SCAI: variants seen among roughly 807,000 people sequenced by gnomAD.
SCAI encodes suppressor of cancer cell invasion.
A neutral mutation model predicts 92.2 loss-of-function variants in SCAI; 24 were observed. The observed-to-expected ratio is 0.26, with a 90% confidence interval of 0.19 to 0.37. The LOEUF is 0.37. Among genes scored for constraint, SCAI ranks in the 10% least tolerant of loss-of-function variants. SCAI has a pLI of 1.00. For synonymous variants in SCAI, 261 were observed against 258.6 expected (o/e 1.01, Z -0.09); for missense variants, 450 against 736.2 (o/e 0.61, Z 4.50).
rs1176788129 is a variant in SCAI at position 125,018,933 on chromosome 9, A to T, written c.727T>A (p.Leu243Ile). 2 of 1,613,604 alleles carry T rather than the reference A, an allele frequency of 1.2e-6. No homozygotes were observed. The highest frequency in any genetic ancestry group is 1.7e-6 in the Non-Finnish European group (2 of 1,179,924). The change falls in exon 9 of 18, where the codon TTA becomes ATA. Residue 243 changes from leucine to isoleucine, a missense_variant. Physicochemically the swap from Leu to Ile is conservative, Grantham distance 5 (BLOSUM62 2). Coordinates refer to ENST00000336505, the MANE Select transcript of SCAI (RefSeq NM_001144877.3). ...ATAACAATGGTATTATCATCATTTA[A>T]TACCATTACAGGATCCGCCTAAAGA... ...AFIEADPVMV[L>I]NDDNTIVITS...
At chr9:125,067,540 G>A (rs1033797364) in intron 2 of SCAI, among the ~76,000 whole-genome samples, 2 of 152,156 alleles carry the variant, frequency 1.3e-5, no homozygotes, top group Admixed American at 6.5e-5. Context: ...ATCAGAAGCC[G>A]GGAGAGAGAC....
At chr9:125,109,329 G>A (rs1171772006) in intron 2 of SCAI, among the ~76,000 whole-genome samples, 4 of 151,660 alleles carry the variant, frequency 2.6e-5, no homozygotes, top group African/African-American at 9.7e-5. Context: ...ATCCCCCTCT[G>A]CGAGAAACAC....
chr9:125,030,490 C>T (rs1281235581), intron 3 of SCAI, among the ~76,000 whole-genome samples: 1 of 152,180 alleles, frequency 6.6e-6, no homozygotes, highest in Non-Finnish European at 1.5e-5. Context: ...AGAAACACAT[C>T]TTTACTGTAG....
chr9:124,998,033 G>C (rs1256084675), intron 13 of SCAI, among the ~76,000 whole-genome samples: 1 of 152,024 alleles, frequency 6.6e-6, no homozygotes, highest in East Asian at 1.9e-4. Context: ...TCAAACTCCT[G>C]GGTTCATGTG....
intron 3 of SCAI, among the ~76,000 whole-genome samples, chr9:125,040,996 TATGA>T: frequency 6.6e-6 from 1 of 152,184 alleles, no homozygotes; most frequent in East Asian, 1.9e-4. Flanking sequence ...AGCTACACAA[TATGA>T]ATGAAAGGTC....
chr9:124,995,085 G>T, intron 13 of SCAI, 70 bp from the exon 14 acceptor site: 2 of 1,177,958 alleles, frequency 1.7e-6, no homozygotes, highest in Non-Finnish European at 2.5e-6. Flanking sequence ...TCTTCAGTTT[G>T]GTCTGCTCAT....
At chr9:125,120,042 T>C (rs1344806796) in intron 2 of SCAI, among the ~76,000 whole-genome samples, 1 of 152,224 alleles carries the variant, frequency 6.6e-6, no homozygotes, top group Non-Finnish European at 1.5e-5. Context: ...AGCCATGCTC[T>C]ACTGGTAAAG....
At chr9:124,973,176 T>C (rs1275969871) in intron 15 of SCAI, among the ~76,000 whole-genome samples, 2 of 152,220 alleles carry the variant, frequency 1.3e-5, no homozygotes, top group East Asian at 1.9e-4. Context: ...ATTTTGTACA[T>C]GAAACAAACC....
chr9:125,049,412 TG>T (rs1833511109), intron 3 of SCAI, among the ~76,000 whole-genome samples: 1 of 152,236 alleles, frequency 6.6e-6, no homozygotes, highest in Non-Finnish European at 1.5e-5. Context: ...TTAGTCACCA[TG>T]GCAACCAGAA....
intron 14 of SCAI, among the ~76,000 whole-genome samples, chr9:124,988,113 GCTGGT>G (rs1832037421): frequency 1.3e-5 from 2 of 152,014 alleles, no homozygotes; most frequent in South Asian, 4.2e-4. Context: ...ATGGCATCAT[GCTGGT>G]CACTAGACCT....
chr9:125,134,958 G>C (rs1256018884), intron 2 of SCAI, among the ~76,000 whole-genome samples: 1 of 152,162 alleles, frequency 6.6e-6, no homozygotes, highest in Admixed American at 6.5e-5. Flanking sequence ...TTACAGGCAT[G>C]AGCCACCACG....
chr9:125,060,992 G>A (rs1833758319), intron 2 of SCAI, among the ~76,000 whole-genome samples: 1 of 152,138 alleles, frequency 6.6e-6, no homozygotes, highest in African/African-American at 2.4e-5. Context: ...TGTGCCTCAT[G>A]TCATACCAGA....
At chr9:124,979,615 G>A (rs1410478376) in intron 14 of SCAI, among the ~76,000 whole-genome samples, 2 of 152,160 alleles carry the variant, frequency 1.3e-5, no homozygotes, top group South Asian at 2.1e-4. Flanking sequence ...AAAAGGATAA[G>A]AAACAGGTAA....
intron 2 of SCAI, among the ~76,000 whole-genome samples, chr9:125,067,468 C>T (rs74915358): frequency 0.023 from 3,516 of 152,086 alleles, 145 homozygotes; most frequent in African/African-American, 0.081. Flanking sequence ...CACGTGAAGA[C>T]GGAGGCAGAG....
intron 2 of SCAI, among the ~76,000 whole-genome samples, chr9:125,118,044 T>C (rs1160992369): frequency 6.6e-6 from 1 of 152,166 alleles, no homozygotes; most frequent in Non-Finnish European, 1.5e-5. Flanking sequence ...AGTTATCCTC[T>C]CTTGGACTCC....
At chr9:125,050,003 A>G (rs1261312166) in intron 3 of SCAI, among the ~76,000 whole-genome samples, 2 of 152,214 alleles carry the variant, frequency 1.3e-5, no homozygotes, top group African/African-American at 4.8e-5. Flanking sequence ...TACTTCAGTA[A>G]TAAGTTTAAG....
At chr9:125,009,496 C>A (rs1347833720) in intron 9 of SCAI, among the ~76,000 whole-genome samples, 1 of 151,998 alleles carries the variant, frequency 6.6e-6, no homozygotes, top group African/African-American at 2.4e-5. Flanking sequence ...TCTAGAACTC[C>A]TGACCCTCAG....
chr9:124,991,944 T>C (rs970685334), intron 14 of SCAI, among the ~76,000 whole-genome samples: 2 of 152,184 alleles, frequency 1.3e-5, no homozygotes, highest in Non-Finnish European at 2.9e-5. Context: ...AGAGATACGG[T>C]GTTGCTCTCT....
Position 125,087,330 on chromosome 9 carries a change from C to T in SCAI, c.99-31323G>A, listed in dbSNP as rs62580562. ...GCAGCCATCCAACAAATATTGAGGA[C>T]ATGCTAATGGTTATCAGGCAGAAAG... On this transcript the variant is annotated intron_variant, in intron 2 of 17. Coordinates refer to ENST00000336505, the MANE Select transcript of SCAI (RefSeq NM_001144877.3). Among the ~76,000 whole-genome samples, 674 of 152,310 alleles carry T rather than the reference C, an allele frequency of 4.4e-3. 4 individuals are homozygous for T. Among genetic ancestry groups the T allele is most frequent in the Admixed American group, 7.3e-3 (112 of 15,296 alleles).
Sources: gnomAD v4.1 joint callset for allele counts (sites outside exome capture counted in the v4.1 genomes callset) on GRCh38, gnomAD v4.1.1 for gene constraint, MANE v1.5 for transcripts, NCBI Gene and HGNC (gene_info 2026-07-23, HGNC 2026-07-21) for gene names.